Variants in ABL1 observed in about 807,000 individuals in gnomAD.
The protein encoded by ABL1 is ABL proto-oncogene 1, non-receptor tyrosine kinase.
ABL1 carries 11 observed loss-of-function variants against 94.7 expected under a neutral mutation model. That is an observed-to-expected ratio of 0.12 (90% confidence interval 0.07 to 0.19). ABL1 has a LOEUF of 0.19. Among genes scored for constraint, ABL1 ranks in the 10% least tolerant of loss-of-function variants. The pLI, the probability that ABL1 is intolerant of heterozygous loss-of-function variation, is 1.00. For missense variants in ABL1, 1,082 were observed against 1,489.4 expected (o/e 0.73, Z 4.50); for synonymous variants, 656 against 622.4 (o/e 1.05, Z -0.80).
exon 1 of ABL1, chr9:130,714,442 T>G: frequency 6.2e-7 from 1 of 1,614,192 alleles, no homozygotes; most frequent in South Asian, 1.1e-5. Flanking sequence ...ACTGCAATGT[T>G]TTTGTGGAAC....
intron 3 of ABL1, among the ~76,000 whole-genome samples, chr9:130,857,085 G>A (rs567303988): frequency 6.6e-6 from 1 of 152,222 alleles, no homozygotes; most frequent in Admixed American, 6.5e-5. Flanking sequence ...ATTTCATTCT[G>A]TTCTATTTCA....
intron 1 of ABL1, among the ~76,000 whole-genome samples, chr9:130,741,191 TGGCTGCATTGTTATGTGTG>T (rs1392157538): frequency 4.6e-5 from 7 of 152,186 alleles, no homozygotes; most frequent in African/African-American, 1.7e-4. Context: ...ACTAAGGGAC[TGGCTGCATTGTTATGTGTG>T]AGTGCTAGTC....
intron 1 of ABL1, among the ~76,000 whole-genome samples, chr9:130,739,566 T>C (rs1248916001): frequency 6.6e-6 from 1 of 152,200 alleles, no homozygotes; most frequent in African/African-American, 2.4e-5. Context: ...TCAATGATAC[T>C]TTAACCCCTA....
At chr9:130,842,540 A>C (rs1830691848) in intron 1 of ABL1, among the ~76,000 whole-genome samples, 1 of 152,222 alleles carries the variant, frequency 6.6e-6, no homozygotes, top group African/African-American at 2.4e-5. Flanking sequence ...CCAAAATACC[A>C]TGAGGGTGGG....
intron 1 of ABL1, among the ~76,000 whole-genome samples, chr9:130,825,281 C>G (rs1458621458): frequency 6.6e-6 from 1 of 152,150 alleles, no homozygotes; most frequent in African/African-American, 2.4e-5. Flanking sequence ...CCTTTTAGCC[C>G]TTCTCTCTAC....
chr9:130,819,759 T>C lies in ABL1; in HGVS notation c.137-34305T>C, dbSNP rs148686163. On this transcript the variant is annotated intron_variant, in intron 1 of 10. Coordinates refer to the ABL1 transcript ENST00000372348. Reference sequence around the variant, plus strand: ...AGTTTCACCGTGCTGGCCAGGCTGGTGTCAAACTCCTGACCTCGTGATCCG... The same window carrying C: ...AGTTTCACCGTGCTGGCCAGGCTGGCGTCAAACTCCTGACCTCGTGATCCG... Among the ~76,000 whole-genome samples, 1,202 of 151,916 alleles carry C rather than the reference T, an allele frequency of 7.9e-3. 18 individuals carry two copies. Among genetic ancestry groups the C allele is most frequent in the African/African-American group, 0.027 (1,119 of 41,426 alleles).
chr9:130,881,765 A>G (rs7469577), intron 10 of ABL1, among the ~76,000 whole-genome samples: 6,786 of 152,130 alleles, frequency 0.045, 272 homozygotes, highest in African/African-American at 0.099. Context: ...TGGACTGCAG[A>G]CTGGGTACAT....
chr9:130,713,322 C>T (rs1293821584), exon 1 of ABL1, among the ~76,000 whole-genome samples: 2 of 152,220 alleles, frequency 1.3e-5, no homozygotes, highest in Non-Finnish European at 2.9e-5. Flanking sequence ...CCGCCTTCCG[C>T]TGTCTGGGCC....
chr9:130,723,861 G>T (rs1416969807), intron 1 of ABL1, among the ~76,000 whole-genome samples: 1 of 151,840 alleles, frequency 6.6e-6, no homozygotes, highest in South Asian at 2.1e-4. Flanking sequence ...ACCCAGGCTG[G>T]AGTGCAGTGG....
chr9:130,752,917 C>A (rs1283714270), intron 1 of ABL1, among the ~76,000 whole-genome samples: 2 of 150,750 alleles, frequency 1.3e-5, no homozygotes, highest in Non-Finnish European at 2.9e-5. Flanking sequence ...CAAGATCGCG[C>A]CATTGCACTC....
intron 1 of ABL1, among the ~76,000 whole-genome samples, chr9:130,762,871 A>G (rs1832133531): frequency 6.7e-6 from 1 of 149,976 alleles, no homozygotes; most frequent in Non-Finnish European, 1.5e-5. Context: ...AGATGGCGCC[A>G]CTGCACTCCA....
At chr9:130,808,247 CTTT>C (rs1177878253) in intron 1 of ABL1, among the ~76,000 whole-genome samples, 5 of 95,080 alleles carry the variant, frequency 5.3e-5, no homozygotes, top group African/African-American at 1.8e-4. Flanking sequence ...TCTTCTTCTT[CTTT>C]TTTTTTTTTT....
At chr9:130,873,912 T>G (rs186395611) in intron 6 of ABL1, among the ~76,000 whole-genome samples, 4 of 152,320 alleles carry the variant, frequency 2.6e-5, no homozygotes, top group Non-Finnish European at 5.9e-5. Context: ...AAGACAGATT[T>G]TCTATGCTCC....
At chr9:130,751,258 C>T (rs4740362) in intron 1 of ABL1, among the ~76,000 whole-genome samples, 32,268 of 148,550 alleles carry the variant, frequency 0.22, 4,537 homozygotes, top group East Asian at 0.52. Flanking sequence ...TCTTCTGCCT[C>T]AACCTCCCGA....
intron 1 of ABL1, among the ~76,000 whole-genome samples, chr9:130,797,678 A>G (rs1026843538): frequency 1.3e-5 from 2 of 152,212 alleles, no homozygotes; most frequent in African/African-American, 4.8e-5. Flanking sequence ...TTCCGTATTT[A>G]AGTATTAGGT....
chr9:130,793,214 C>G (rs1829931918), intron 1 of ABL1, among the ~76,000 whole-genome samples: 1 of 152,220 alleles, frequency 6.6e-6, no homozygotes, highest in Non-Finnish European at 1.5e-5. Context: ...GCATGAGCCA[C>G]CGCGCCTGGC....
chr9:130,827,104 C>T (rs966595565), intron 1 of ABL1, among the ~76,000 whole-genome samples: 16 of 152,090 alleles, frequency 1.1e-4, no homozygotes, highest in South Asian at 4.1e-4. Flanking sequence ...AGAAATGCCC[C>T]GTAGAGGCTC....
chr9:130,876,068 C>T (rs1831337254), intron 7 of ABL1, among the ~76,000 whole-genome samples: 1 of 152,202 alleles, frequency 6.6e-6, no homozygotes. Flanking sequence ...CTTCGTGATC[C>T]ACCCACCTCG....
In ABL1 at chr9:130,880,737, G is replaced by A. The variant is rs1028823558; in HGVS notation, c.1678+73G>A. The A allele has an allele frequency of 1.9e-6, 3 of 1,545,556 alleles. No individual in the cohort carries two copies. Among genetic ancestry groups the A allele is most frequent in the Non-Finnish European group, 2.6e-6 (3 of 1,143,960 alleles). On this transcript the variant is annotated intron_variant, in intron 10 of 10. Coordinates refer to ENST00000318560, the MANE Select transcript of ABL1 (RefSeq NM_005157.6). This position sits in a 1 kb window ranked among gnomAD's most constrained non-coding sequence, Gnocchi z 4.4. Reference sequence around the variant, plus strand: ...AGAGGCTACATTCAGGCCATCATAGGCCAACGGGAAGCTGTGAATGGAGCC... The same window carrying A: ...AGAGGCTACATTCAGGCCATCATAGACCAACGGGAAGCTGTGAATGGAGCC...
Sources: gnomAD v4.1 joint callset for allele counts (sites outside exome capture counted in the v4.1 genomes callset) on GRCh38, gnomAD v4.1.1 for gene constraint, Gnocchi (gnomAD v3.1) non-coding constraint, MANE v1.5 for transcripts, NCBI Gene and HGNC (gene_info 2026-07-23, HGNC 2026-07-21) for gene names.